SDK1: variants seen among roughly 807,000 people sequenced by gnomAD.
SDK1 encodes protein sidekick-1.
A neutral mutation model predicts 245.5 loss-of-function variants in SDK1; 157 were observed. The ratio of observed to expected loss-of-function variants is 0.64; its 90% CI spans 0.56 to 0.73. SDK1 has a LOEUF of 0.73. Among genes scored for constraint, SDK1 ranks in the 30% least tolerant of loss-of-function variants. The pLI, the probability that SDK1 is intolerant of heterozygous loss-of-function variation, is 0.00. For missense variants in SDK1, 3,583 were observed against 3,002.3 expected (o/e 1.19, Z -4.52); for synonymous variants, 1,647 against 1,278.5 (o/e 1.29, Z -6.15).
intron 5 of SDK1, among the ~76,000 whole-genome samples, chr7:3,949,606 T>A (rs1420853349): frequency 6.6e-6 from 1 of 152,210 alleles, no homozygotes; most frequent in African/African-American, 2.4e-5. Context: ...CTCTTACATC[T>A]CCGCCCTTTA....
intron 1 of SDK1, among the ~76,000 whole-genome samples, chr7:3,389,154 C>T (rs1485620387): frequency 6.6e-6 from 1 of 152,058 alleles, no homozygotes. Flanking sequence ...GCATTCTAGA[C>T]AAATGTGGAA....
At chr7:3,809,482 T>G (rs1430311810) in intron 4 of SDK1, among the ~76,000 whole-genome samples, 1 of 152,180 alleles carries the variant, frequency 6.6e-6, no homozygotes, top group African/African-American at 2.4e-5. Context: ...TGCTCCCGTC[T>G]CTGCTGGGCA....
At chr7:3,738,751 C>T (rs959459293) in intron 4 of SDK1, among the ~76,000 whole-genome samples, 1 of 151,644 alleles carries the variant, frequency 6.6e-6, no homozygotes, top group Non-Finnish European at 1.5e-5. Flanking sequence ...TGCCTCCTTT[C>T]TTAAGTTTAT....
intron 14 of SDK1, among the ~76,000 whole-genome samples, chr7:3,990,985 G>A (rs1342210834): frequency 6.6e-6 from 1 of 152,220 alleles, no homozygotes; most frequent in African/African-American, 2.4e-5. Context: ...CTGGGCATCT[G>A]CTCTGCACTC....
intron 5 of SDK1, among the ~76,000 whole-genome samples, chr7:3,919,235 A>T (rs561947180): frequency 1.6e-4 from 25 of 152,294 alleles, no homozygotes; most frequent in Admixed American, 3.9e-4. Context: ...CCAGGCCATA[A>T]TGAGGGTATG....
chr7:3,346,703 G>A (rs75941902), intron 1 of SDK1, among the ~76,000 whole-genome samples: 3 of 122,900 alleles, frequency 2.4e-5, no homozygotes, highest in Non-Finnish European at 4.9e-5. Context: ...ATGTGTGTTT[G>A]TGTGTGTGTG....
rs375603427 is a variant in SDK1 at position 4,017,216 on chromosome 7, C to T, written c.2466C>T (p.Ile822=). The T allele has an allele frequency of 5.6e-6, 9 of 1,613,826 alleles. No homozygotes were observed. The African/African-American group carries it at 8.0e-5, about 14-fold the overall frequency. ...CCGGAGAGTACCAGCAGCGGAACATCACCAGCCCGGAGGTGAACTACTGCC... is the reference window on the plus strand; with the variant it reads ...CCGGAGAGTACCAGCAGCGGAACATTACCAGCCCGGAGGTGAACTACTGCC... ...GLPGEYQQRN[I]TSPEVNYCLV... is the part of the protein sequence containing the mutation. The change falls in exon 17 of 45, where the codon ATC becomes ATT. Residue 822 remains isoleucine (I), a synonymous_variant. Coordinates refer to ENST00000404826, the MANE Select transcript of SDK1 (RefSeq NM_152744.4).
intron 4 of SDK1, among the ~76,000 whole-genome samples, chr7:3,774,800 C>T (rs1462832705): frequency 6.6e-6 from 1 of 152,178 alleles, no homozygotes; most frequent in Non-Finnish European, 1.5e-5. Context: ...TTTGTCCAGC[C>T]TTATAAATTT....
chr7:3,937,681 G>A (rs1050808698), intron 5 of SDK1, among the ~76,000 whole-genome samples: 2 of 152,184 alleles, frequency 1.3e-5, no homozygotes, highest in Non-Finnish European at 2.9e-5. Flanking sequence ...AGCTCCTGCA[G>A]TTTGGGTCGA....
At chr7:3,952,669 T>C (rs1279288424) in intron 7 of SDK1, among the ~76,000 whole-genome samples, 1 of 151,910 alleles carries the variant, frequency 6.6e-6, no homozygotes, top group East Asian at 1.9e-4. Context: ...TGTAAAACTA[T>C]CGGATGTTAC....
intron 1 of SDK1, among the ~76,000 whole-genome samples, chr7:3,520,482 A>C (rs1351648573): frequency 1.3e-5 from 2 of 152,278 alleles, no homozygotes; most frequent in East Asian, 3.9e-4. Context: ...CTACACCCTG[A>C]ATCCTGTTAA....
At chr7:3,455,589 C>CA (rs932392304) in intron 1 of SDK1, among the ~76,000 whole-genome samples, 142 of 152,186 alleles carry the variant, frequency 9.3e-4, no homozygotes, top group African/African-American at 3.3e-3. Context: ...ATTAGCTGGG[C>CA]ATCTTACTGT....
intron 1 of SDK1, among the ~76,000 whole-genome samples, chr7:3,338,858 G>C (rs4363091): frequency 0.78 from 118,463 of 152,110 alleles, 47,111 homozygotes; most frequent in East Asian, 0.94. Flanking sequence ...ATGAATAAAT[G>C]AAGGTGGAAT....
chr7:4,125,756 C>T lies in SDK1; in HGVS notation c.3824-1625C>T, dbSNP rs151013438. On this transcript the variant is annotated intron_variant, in intron 25 of 44. Transcript: ENST00000404826. ...AGGCTAGGACTGGTCATAGCATCCT[C>T]CTTTCACTTTCTTCAAAACAACTAG... is the stretch of plus-strand genomic sequence containing the variant. Among the ~76,000 whole-genome samples the T allele has an allele frequency of 6.5e-3, 997 of 152,310 alleles. 8 individuals carry two copies. The highest frequency in any genetic ancestry group is 0.023 in the African/African-American group (958 of 41,562).
At chr7:4,213,408 T>C (rs866083148) in intron 38 of SDK1, among the ~76,000 whole-genome samples, 3 of 142,604 alleles carry the variant, frequency 2.1e-5, no homozygotes, top group Non-Finnish European at 3.0e-5. Flanking sequence ...CAAGACTCCG[T>C]CTCAAAAAAA....
chr7:3,317,483 C>A (rs1400432614), intron 1 of SDK1, among the ~76,000 whole-genome samples: 1 of 152,098 alleles, frequency 6.6e-6, no homozygotes, highest in Admixed American at 6.5e-5. Context: ...TTCATCTTCG[C>A]TCCTCATTTC....
chr7:3,583,842 G>C (rs532614660), intron 1 of SDK1, among the ~76,000 whole-genome samples: 2 of 152,200 alleles, frequency 1.3e-5, no homozygotes, highest in South Asian at 4.1e-4. Flanking sequence ...AAGGTGGCAG[G>C]CATTTCAAGT....
At chr7:3,925,166 G>A (rs1376012303) in intron 5 of SDK1, among the ~76,000 whole-genome samples, 2 of 152,144 alleles carry the variant, frequency 1.3e-5, no homozygotes, top group Non-Finnish European at 2.9e-5. Context: ...CCACAGCCTA[G>A]TTTAGGACTG....
chr7:3,637,083 G>GCA (rs1203751387), intron 2 of SDK1, among the ~76,000 whole-genome samples: 1 of 149,180 alleles, frequency 6.7e-6, no homozygotes, highest in Admixed American at 6.8e-5. Flanking sequence ...GAGTGCGTGC[G>GCA]CGCGTGTGTG....
Sources: gnomAD v4.1 joint callset for allele counts (sites outside exome capture counted in the v4.1 genomes callset) on GRCh38, gnomAD v4.1.1 for gene constraint, MANE v1.5 for transcripts, NCBI Gene and HGNC (gene_info 2026-07-23, HGNC 2026-07-21) for gene names.